Variants in COL18A1 observed in about 807,000 individuals in gnomAD.
COL18A1 encodes collagen type XVIII alpha 1 chain.
Under a neutral mutation model 168.0 loss-of-function variants are expected in COL18A1, and 133 were observed. The ratio of observed to expected loss-of-function variants is 0.79; its 90% confidence interval spans 0.69 to 0.91. The LOEUF (loss-of-function observed/expected upper bound fraction) is 0.91. COL18A1 is among the 40% of genes least tolerant of loss of function. The probability of loss-of-function intolerance (pLI) is 0.00; values close to 1 mark genes in which losing one functional copy is unlikely to be tolerated. For missense variants in COL18A1, 2,126 were observed against 1,925.4 expected (o/e 1.10, Z -1.95); for synonymous variants, 949 against 809.0 (o/e 1.17, Z -2.94).
chr21:45,431,155 G>T (rs2033948454), intron 2 of COL18A1, among the ~76,000 whole-genome samples: 1 of 152,166 alleles, frequency 6.6e-6, no homozygotes, highest in South Asian at 2.1e-4. Flanking sequence ...TGTCAGGCAG[G>T]CCTGGGAGGG....
chr21:45,497,982 T>TC (rs2036599251), intron 32 of COL18A1, among the ~76,000 whole-genome samples: 1 of 152,090 alleles, frequency 6.6e-6, no homozygotes, highest in Non-Finnish European at 1.5e-5. Flanking sequence ...AGATGCCCCC[T>TC]CCCCTCCACG....
chr21:45,487,650 G>A (rs773198356), intron 17 of COL18A1, 141 bp downstream of exon 17: 8 of 1,062,442 alleles, frequency 7.5e-6, no homozygotes, highest in East Asian at 4.7e-5. Context: ...TGTGGCGGGC[G>A]CTGTGCCCCG....
At chr21:45,427,777 G>A (rs888974609) in intron 2 of COL18A1, among the ~76,000 whole-genome samples, 4 of 152,198 alleles carry the variant, frequency 2.6e-5, no homozygotes, top group African/African-American at 7.2e-5. Context: ...ACTCCCATGC[G>A]CCCTGGCCCT....
chr21:45,485,127 C>T (rs57940653), intron 15 of COL18A1, among the ~76,000 whole-genome samples: 27,891 of 146,106 alleles, frequency 0.19, 2,815 homozygotes, highest in Middle Eastern at 0.26. Flanking sequence ...GGACTACAGG[C>T]ATCTGCCACC....
At chr21:45,476,862 G>A (rs1372260475) in intron 6 of COL18A1, among the ~76,000 whole-genome samples, 2 of 151,392 alleles carry the variant, frequency 1.3e-5, no homozygotes, top group Non-Finnish European at 2.9e-5. Flanking sequence ...TGTGCGTATT[G>A]TGTGTATGTG....
intron 2 of COL18A1, among the ~76,000 whole-genome samples, chr21:45,449,238 G>T (rs1464086273): frequency 6.6e-6 from 1 of 152,186 alleles, no homozygotes; most frequent in Non-Finnish European, 1.5e-5. Flanking sequence ...GGAGGGCCTG[G>T]CTCACATGGG....
intron 2 of COL18A1, among the ~76,000 whole-genome samples, chr21:45,445,289 T>A (rs567374255): frequency 6.6e-6 from 1 of 152,352 alleles, no homozygotes; most frequent in South Asian, 2.1e-4. Context: ...GTCCCAGGGC[T>A]TCATTCCTTG....
intron 2 of COL18A1, among the ~76,000 whole-genome samples, chr21:45,442,103 C>T (rs2034385399): frequency 6.6e-6 from 1 of 152,232 alleles, no homozygotes; most frequent in Non-Finnish European, 1.5e-5. Flanking sequence ...ACTGCACAGT[C>T]CTGCAGCTCG....
rs2037282357 is a variant in COL18A1, at chr21:45,507,449, T to G, written c.3217-112T>G. 4.4e-6 allele frequency: 3 copies of G among 688,426 alleles called. No individual in the cohort carries two copies. In the Admixed American group the frequency reaches 7.3e-5, roughly 17 times the overall value. The allele number at this position is 688,426 out of a possible 1,614,324, so 42.6% of individuals were successfully genotyped here. A position where few individuals can be genotyped will look rare whatever the true frequency, so the allele number is the denominator to read the frequency against. ...GTGCTGGGCAGGGAGGGCACCCTCCTGTGGGCTGGGAGGGCCAGGTGCTGG... is the reference window on the plus strand; with the variant it reads ...GTGCTGGGCAGGGAGGGCACCCTCCGGTGGGCTGGGAGGGCCAGGTGCTGG... On this transcript the variant is annotated intron_variant, in intron 37 of 41. Transcript: ENST00000651438.
chr21:45,492,814 G>A (rs552459474), intron 24 of COL18A1, 101 bp downstream of exon 24: 52 of 923,592 alleles, frequency 5.6e-5, no homozygotes, highest in Non-Finnish European at 9.1e-5. Context: ...GCCTTGTCAG[G>A]CCCGAGGGAT....
At position 45,498,005 on chromosome 21, in the gene COL18A1, G is replaced by A. The variant is rs965126533; in HGVS notation, c.2683+344G>A. Among the ~76,000 whole-genome samples, 20 of 152,164 alleles carry A rather than the reference G, an allele frequency of 1.3e-4. No individual in the cohort carries two copies. Among genetic ancestry groups the A allele is most frequent in the Non-Finnish European group, 1.9e-4 (13 of 68,036 alleles). On this transcript the variant is annotated intron_variant, in intron 32 of 41. Coordinates refer to ENST00000651438, the MANE Select transcript of COL18A1 (RefSeq NM_001379500.1). The surrounding 1 kb of genome is among the most constrained non-coding windows in gnomAD (Gnocchi z 4.5). ...CCTCCCCTCCACGGGGCCGGGGGTC[G>A]GCACTGGAGGACCCTCTGTCGAGAA...
At position 45,513,681 on chromosome 21, in the gene COL18A1, C is replaced by T. The variant is rs2037740219; in HGVS notation, c.*1283C>T. The stretch of plus-strand genomic sequence containing the variant: ...TTCTGTAATTGTGTGTGATGTGAAG[C>T]CAATTCAGACAGGCAAATAAAAGTG... On this transcript the variant is annotated 3_prime_UTR_variant, in exon 42 of 42. Coordinates refer to ENST00000651438, the MANE Select transcript of COL18A1 (RefSeq NM_001379500.1). 1 of 152,228 alleles carries T rather than the reference C, an allele frequency of 6.6e-6. No homozygotes were observed. The highest frequency in any genetic ancestry group is 6.5e-5 in the Admixed American group (1 of 15,288). The allele number at this position is 152,228 out of a possible 1,614,324, so 9.4% of individuals were successfully genotyped here. A position where few individuals can be genotyped will look rare whatever the true frequency, so the allele number is the denominator to read the frequency against.
At chr21:45,496,660 C>T (rs2036554391) in intron 30 of COL18A1, 92 bp downstream of exon 30, 1 of 782,480 alleles carries the variant, frequency 1.3e-6, no homozygotes, top group Non-Finnish European at 2.3e-6. Flanking sequence ...CCCCTGGCCT[C>T]TGCGTCTGGG....
chr21:45,509,717 G>A (rs550585343), intron 39 of COL18A1, 116 bp downstream of exon 39: 2 of 745,478 alleles, frequency 2.7e-6, no homozygotes, highest in Admixed American at 2.0e-5. Flanking sequence ...CATGGGTGGG[G>A]GTCTGGCGGC....
chr21:45,459,110 C>G (rs1426778333), intron 2 of COL18A1, among the ~76,000 whole-genome samples: 3 of 152,200 alleles, frequency 2.0e-5, no homozygotes, highest in Non-Finnish European at 2.9e-5. Context: ...TTGCCTCTGG[C>G]CAGGGGTGGG....
At position 45,475,822 on chromosome 21, in the gene COL18A1, C is replaced by T. The variant is rs1463150913; in HGVS notation, c.798+287C>T. 3.3e-5 allele frequency among the ~76,000 whole-genome samples: 5 copies of T among 152,276 alleles called. No individual in the cohort carries two copies. In the East Asian group the frequency reaches 5.8e-4, roughly 18 times the overall value. On this transcript the variant is annotated intron_variant, in intron 5 of 41. Coordinates refer to ENST00000651438, the MANE Select transcript of COL18A1 (RefSeq NM_001379500.1). Reference sequence around the variant, plus strand: ...TCCTTGGTCTTCGAGGCAACCTTGGCCTTCCCTTCGCCCCATCCCTCCGTT... The same window carrying T: ...TCCTTGGTCTTCGAGGCAACCTTGGTCTTCCCTTCGCCCCATCCCTCCGTT...
At chr21:45,508,478 AGTGGATGGGTGG>A (rs940752021) in intron 38 of COL18A1, among the ~76,000 whole-genome samples, 4 of 137,626 alleles carry the variant, frequency 2.9e-5, no homozygotes, top group Admixed American at 7.0e-5. Flanking sequence ...CAGGTGGGTG[AGTGGATGGGTGG>A]GTGGATGGAT....
At chr21:45,487,400 C>T in intron 16 of COL18A1, 47 bp from the exon 17 acceptor site, 2 of 1,606,058 alleles carry the variant, frequency 1.2e-6, no homozygotes, top group Non-Finnish European at 1.7e-6. Flanking sequence ...GGGGTCCTTC[C>T]CTAAGAAGGG....
rs865943692 is a variant in COL18A1, at chr21:45,498,427, C to T, written c.2683+766C>T. The stretch of plus-strand genomic sequence containing the variant: ...CCGCCAGGGTCCCCTCTCGCCGCCA[C>T]GGTCCCCTCTCGCCGCCAGGGTCCC... On this transcript the variant is annotated intron_variant, in intron 32 of 41. Transcript: ENST00000651438. The surrounding 1 kb of genome is among the most constrained non-coding windows in gnomAD (Gnocchi z 4.5). The T allele has an allele frequency of 2.2e-5, 14 of 647,324 alleles. No homozygotes were observed. The highest frequency in any genetic ancestry group is 6.4e-5 in the Admixed American group (3 of 46,580). The allele number at this position is 647,324 out of a possible 1,614,324, so 40.1% of individuals were successfully genotyped here. A position where few individuals can be genotyped will look rare whatever the true frequency, so the allele number is the denominator to read the frequency against.
Sources: gnomAD v4.1 joint callset for allele counts (sites outside exome capture counted in the v4.1 genomes callset) on GRCh38, gnomAD v4.1.1 for gene constraint, Gnocchi (gnomAD v3.1) non-coding constraint, MANE v1.5 for transcripts, NCBI Gene and HGNC (gene_info 2026-07-23, HGNC 2026-07-21) for gene names.